The following PCDHA10 variants were observed in gnomAD, a reference collection of about 807,000 sequenced individuals.
The protein encoded by PCDHA10 is protocadherin alpha 10.
A neutral mutation model predicts 61.2 loss-of-function variants in PCDHA10; 45 were observed. That is an observed-to-expected ratio of 0.74 (90% CI 0.58 to 0.94). PCDHA10 has a LOEUF of 0.94. PCDHA10 is among the 40% of genes least tolerant of loss of function. PCDHA10 has a pLI of 0.00. For synonymous variants in PCDHA10, 602 were observed against 548.8 expected (o/e 1.10, Z -1.35); for missense variants, 1,278 against 1,236.2 (o/e 1.03, Z -0.51).
At chr5:141,007,777 T>G (rs1467527710) in intron 3 of PCDHA10, among the ~76,000 whole-genome samples, 2 of 152,226 alleles carry the variant, frequency 1.3e-5, no homozygotes, top group Non-Finnish European at 2.9e-5. Flanking sequence ...GAAATGGTAC[T>G]GCTTTACAAA....
chr5:140,949,935 T>C (rs1554219235), intron 1 of PCDHA10, among the ~76,000 whole-genome samples: 1 of 151,898 alleles, frequency 6.6e-6, no homozygotes, highest in East Asian at 1.9e-4. Context: ...TTTTTTTTAA[T>C]TTGCATTTTT....
At chr5:140,869,004 T>C in intron 1 of PCDHA10, 1 of 1,521,534 alleles carries the variant, frequency 6.6e-7, no homozygotes, top group Non-Finnish European at 8.8e-7. Context: ...AAGGATCCTT[T>C]GAAACTTCTT....
chr5:140,916,193 C>T lies in PCDHA10; in HGVS notation c.2388+57757C>T, dbSNP rs536117096. On this transcript the variant is annotated intron_variant, in intron 1 of 3. Transcript: ENST00000307360. ...CTGGGACTCTTCAAGGAAGTGGGCACCCCTCTGCCCTGGGGAAGATCCAAA... is the reference window on the plus strand; with the variant it reads ...CTGGGACTCTTCAAGGAAGTGGGCATCCCTCTGCCCTGGGGAAGATCCAAA... 1.6e-4 allele frequency among the ~76,000 whole-genome samples: 25 copies of T among 152,256 alleles called. No individual in the cohort carries two copies. In the South Asian group the frequency reaches 5.0e-3, roughly 30 times the overall value.
chr5:140,898,711 T>A (rs1280268769), intron 1 of PCDHA10, among the ~76,000 whole-genome samples: 2 of 152,226 alleles, frequency 1.3e-5, no homozygotes, highest in Non-Finnish European at 2.9e-5. Flanking sequence ...AAGTAGTTTT[T>A]TCCAATTCTG....
At chr5:140,937,839 A>G (rs2091791639) in intron 1 of PCDHA10, among the ~76,000 whole-genome samples, 1 of 150,456 alleles carries the variant, frequency 6.6e-6, no homozygotes, top group Non-Finnish European at 1.5e-5. Flanking sequence ...ATGAACCTGG[A>G]AGGCGGAACT....
At chr5:140,966,899 C>T in intron 1 of PCDHA10, 2 of 1,598,372 alleles carry the variant, frequency 1.3e-6, no homozygotes, top group African/African-American at 1.3e-5. Context: ...CTCCCAGCTG[C>T]GATACTCTGT....
At chr5:140,965,352 T>C (rs1474672624) in intron 1 of PCDHA10, among the ~76,000 whole-genome samples, 1 of 152,166 alleles carries the variant, frequency 6.6e-6, no homozygotes, top group Admixed American at 6.5e-5. Context: ...GTTGCCTCTA[T>C]AGCAGTACAA....
chr5:140,968,768 C>T, intron 1 of PCDHA10: 1 of 1,614,174 alleles, frequency 6.2e-7, no homozygotes, highest in South Asian at 1.1e-5. Flanking sequence ...TAATGGAGAG[C>T]CATCACTATC....
At position 140,915,626 on chromosome 5, in the gene PCDHA10, G is replaced by GTCTCTCTCTC. The variant is rs57920489; in HGVS notation, c.2388+57211_2388+57220dup. 2.5e-3 allele frequency among the ~76,000 whole-genome samples: 366 copies of GTCTCTCTCTC among 146,512 alleles called. 2 individuals carry two copies. Among genetic ancestry groups the GTCTCTCTCTC allele is most frequent in the South Asian group, 3.6e-3 (16 of 4,500 alleles). ...ACTTTCTGTCAAACAGTCTCTTTCT[G>GTCTCTCTCTC]TCTCTCTCTCTCTCTCTCTCTCTCT... On this transcript the variant is annotated intron_variant, in intron 1 of 3. Coordinates refer to ENST00000307360, the MANE Select transcript of PCDHA10 (RefSeq NM_018901.4).
At chr5:140,928,471 G>T in intron 1 of PCDHA10, 1 of 1,614,148 alleles carries the variant, frequency 6.2e-7, no homozygotes, top group Non-Finnish European at 8.5e-7. Context: ...CCAAGTAGAA[G>T]GCCGGGATGG....
rs137969621 is a variant in PCDHA10, at chr5:140,884,072, G to T, written c.2388+25636G>T. The T allele has an allele frequency of 9.1e-5, 147 of 1,613,476 alleles. 1 individual carries two copies. In the African/African-American group the frequency reaches 1.7e-3, roughly 19 times the overall value. On this transcript the variant is annotated intron_variant, in intron 1 of 3. Coordinates refer to ENST00000307360, the MANE Select transcript of PCDHA10 (RefSeq NM_018901.4). ...GGTGCGCGCGGTGGACGCCGATTCGGGCTACAATGCGTGGCTTTCGTATGA... is the reference window on the plus strand; with the variant it reads ...GGTGCGCGCGGTGGACGCCGATTCGTGCTACAATGCGTGGCTTTCGTATGA...
chr5:140,886,492 C>A (rs2060999452), intron 1 of PCDHA10, among the ~76,000 whole-genome samples: 1 of 152,036 alleles, frequency 6.6e-6, no homozygotes, highest in Non-Finnish European at 1.5e-5. Flanking sequence ...TAAAATATAT[C>A]TTTTTCCTTT....
chr5:140,986,074 T>C (rs1342378005), intron 3 of PCDHA10, among the ~76,000 whole-genome samples: 1 of 152,124 alleles, frequency 6.6e-6, no homozygotes, highest in African/African-American at 2.4e-5. Context: ...AAAGAAACTG[T>C]TCATTTATTT....
At chr5:140,915,581 A>G (rs1563006188) in intron 1 of PCDHA10, among the ~76,000 whole-genome samples, 1 of 151,994 alleles carries the variant, frequency 6.6e-6, no homozygotes, top group Non-Finnish European at 1.5e-5. Flanking sequence ...GCCAGGCAAA[A>G]GCACTTGTTC....
At chr5:140,874,845 A>G (rs1201887753) in intron 1 of PCDHA10, among the ~76,000 whole-genome samples, 1 of 152,236 alleles carries the variant, frequency 6.6e-6, no homozygotes, top group Non-Finnish European at 1.5e-5. Flanking sequence ...GGTATTAGAC[A>G]TATTTTAGTT....
At chr5:141,009,095 A>G (rs1304233331) in intron 3 of PCDHA10, among the ~76,000 whole-genome samples, 3 of 152,214 alleles carry the variant, frequency 2.0e-5, no homozygotes, top group Admixed American at 6.5e-5. Context: ...AGAACCAAAC[A>G]TATGTTACTA....
intron 1 of PCDHA10, chr5:140,870,593 G>A (rs991131905): frequency 6.2e-7 from 1 of 1,613,572 alleles, no homozygotes; most frequent in Non-Finnish European, 8.5e-7. Flanking sequence ...GTGGAGCGGC[G>A]GTTGGGCGAC....
intron 1 of PCDHA10, chr5:140,883,064 G>A (rs2059422329): frequency 1.2e-6 from 2 of 1,614,096 alleles, no homozygotes; most frequent in Non-Finnish European, 1.7e-6. Context: ...CAAGCTAAAT[G>A]CCACAGATCC....
rs781998170 is a variant in PCDHA10 at position 140,858,132 on chromosome 5, A to G, written c.2084A>G (p.Asn695Ser). The G allele has an allele frequency of 1.9e-6, 3 of 1,597,528 alleles. No homozygotes were observed. Among genetic ancestry groups the G allele is most frequent in the Non-Finnish European group, 2.6e-6 (3 of 1,167,512 alleles). Residue 695 changes from asparagine to serine, a missense_variant, in exon 1 of 4, where the codon AAC becomes AGC. Asn to Ser is a conservative substitution (Grantham distance 46). Transcript: ENST00000307360. ...VAPEVALVDV[N>S]VYLIIAICAV... ...CCCGAGGTGGCCCTGGTGGATGTCA[A>G]CGTGTACCTGATCATCGCCATCTGC...
Sources: gnomAD v4.1 joint callset for allele counts (sites outside exome capture counted in the v4.1 genomes callset) on GRCh38, gnomAD v4.1.1 for gene constraint, MANE v1.5 for transcripts, NCBI Gene and HGNC (gene_info 2026-07-23, HGNC 2026-07-21) for gene names.